Variants in FAT3 observed in about 807,000 individuals in gnomAD.
The protein encoded by FAT3 is FAT atypical cadherin 3, also known as protocadherin Fat 3.
Under a neutral mutation model 310.2 loss-of-function variants are expected in FAT3, and 95 were observed. The ratio of observed to expected loss-of-function variants is 0.31; its 90% confidence interval spans 0.26 to 0.36. The LOEUF (loss-of-function observed/expected upper bound fraction) is 0.36, where lower values mean the gene tolerates loss of function less well. FAT3 is among the 10% of genes least tolerant of loss of function. FAT3 has a pLI of 1.00. For synonymous variants in FAT3, 2,314 were observed against 2,192.9 expected (o/e 1.06, Z -1.54); for missense variants, 5,408 against 5,715.6 (o/e 0.95, Z 1.74).
intron 2 of FAT3, chr11:92,367,094 C>A: frequency 2.2e-6 from 1 of 453,868 alleles, no homozygotes; most frequent in South Asian, 1.7e-5. Context: ...AAGCAGGTGT[C>A]AAATTCAGAG....
At chr11:92,474,085 TC>T (rs2135162025) in intron 2 of FAT3, among the ~76,000 whole-genome samples, 1 of 152,294 alleles carries the variant, frequency 6.6e-6, no homozygotes, top group African/African-American at 2.4e-5. Flanking sequence ...AGCCTGATCT[TC>T]CTTTGAGAGG....
At chr11:92,334,759 A>G (rs547630996) in intron 1 of FAT3, among the ~76,000 whole-genome samples, 13 of 152,296 alleles carry the variant, frequency 8.5e-5, no homozygotes, top group African/African-American at 2.4e-4. Context: ...AGCTGCCTCA[A>G]TTATGGAAGA....
chr11:92,623,628 A>C (rs1941191142), intron 3 of FAT3, among the ~76,000 whole-genome samples: 1 of 152,210 alleles, frequency 6.6e-6, no homozygotes, highest in African/African-American at 2.4e-5. Context: ...GTGTAACAGA[A>C]TTTGTATTGC....
intron 5 of FAT3, among the ~76,000 whole-genome samples, chr11:92,764,002 A>T (rs1322031546): frequency 6.6e-6 from 1 of 152,174 alleles, no homozygotes; most frequent in African/African-American, 2.4e-5. Flanking sequence ...GTTATTTTTT[A>T]AATGTAATAC....
At position 92,524,666 on chromosome 11, in the gene FAT3, G is replaced by A; in HGVS notation, c.3325G>A (p.Glu1109Lys). 1 of 1,613,526 alleles carries A rather than the reference G, an allele frequency of 6.2e-7. No individual in the cohort carries two copies. Among genetic ancestry groups the A allele is most frequent in the Non-Finnish European group, 8.5e-7 (1 of 1,179,612 alleles). ...VITAADILDR[E>K]TMGSYWLTVY... ...CACTGCCGCAGACATTCTTGATCGGGAGACAATGGGGTCATACTGGCTAAC... is the reference window on the plus strand; with the variant it reads ...CACTGCCGCAGACATTCTTGATCGGAAGACAATGGGGTCATACTGGCTAAC... Residue 1109 changes from glutamate (E) to lysine (K), a missense_variant, in exon 3 of 28, where the codon GAG becomes AAG. Physicochemically the swap from Glu to Lys is moderately conservative, Grantham distance 56 (BLOSUM62 1). Around this residue, in one of 5 missense-constraint regions of FAT3, gnomAD observed 4,588 missense variants for 4,809.8 expected, o/e 0.95. Coordinates refer to ENST00000525166, the MANE Select transcript of FAT3 (RefSeq NM_001367949.2).
chr11:92,850,169 C>T (rs974397198), intron 19 of FAT3, among the ~76,000 whole-genome samples: 1 of 152,172 alleles, frequency 6.6e-6, no homozygotes, highest in Admixed American at 6.5e-5. Flanking sequence ...ATCCCAGTGG[C>T]TTTGAGTAAC....
chr11:92,640,087 T>G (rs1179893463), intron 3 of FAT3, among the ~76,000 whole-genome samples: 1 of 152,138 alleles, frequency 6.6e-6, no homozygotes, highest in African/African-American at 2.4e-5. Flanking sequence ...GTATTCTGAT[T>G]TTTTTTGCCC....
intron 4 of FAT3, among the ~76,000 whole-genome samples, chr11:92,704,106 C>T (rs1009854457): frequency 1.3e-5 from 2 of 152,174 alleles, no homozygotes; most frequent in Non-Finnish European, 2.9e-5. Flanking sequence ...CATCTTTTCT[C>T]GCTCTCATTT....
At chr11:92,745,779 C>T (rs1945648218) in intron 4 of FAT3, among the ~76,000 whole-genome samples, 1 of 152,246 alleles carries the variant, frequency 6.6e-6, no homozygotes, top group Admixed American at 6.5e-5. Flanking sequence ...CCTTCATTGT[C>T]CTGAAATGCA....
intron 4 of FAT3, among the ~76,000 whole-genome samples, chr11:92,729,017 C>G (rs148937377): frequency 7.7e-4 from 117 of 152,310 alleles, no homozygotes; most frequent in South Asian, 4.6e-3. Flanking sequence ...TTTCATCATT[C>G]AACTCACTAC....
At chr11:92,318,164 A>G (rs1280282278) in intron 1 of FAT3, among the ~76,000 whole-genome samples, 1 of 152,200 alleles carries the variant, frequency 6.6e-6, no homozygotes, top group Non-Finnish European at 1.5e-5. Flanking sequence ...ACTGAGATAT[A>G]GACAGGTGAT....
At chr11:92,423,307 A>G (rs1329866922) in intron 2 of FAT3, among the ~76,000 whole-genome samples, 1 of 152,168 alleles carries the variant, frequency 6.6e-6, no homozygotes, top group South Asian at 2.1e-4. Flanking sequence ...AATGACACAT[A>G]ATAAAATATA....
intron 1 of FAT3, among the ~76,000 whole-genome samples, chr11:92,235,909 A>C (rs2134240049): frequency 6.6e-6 from 1 of 152,306 alleles, no homozygotes; most frequent in Non-Finnish European, 1.5e-5. Context: ...ATGTATGATA[A>C]GGGTGTTATG....
At chr11:92,467,208 G>T (rs982007483) in intron 2 of FAT3, among the ~76,000 whole-genome samples, 4 of 152,204 alleles carry the variant, frequency 2.6e-5, no homozygotes, top group African/African-American at 9.6e-5. Flanking sequence ...CAGTGTAAAA[G>T]TGTTCCTATT....
chr11:92,428,844 ATGTATTTTC>A (rs1270873732), intron 2 of FAT3, among the ~76,000 whole-genome samples: 8 of 152,174 alleles, frequency 5.3e-5, no homozygotes, highest in Non-Finnish European at 1.2e-4. Flanking sequence ...GCTGAGATGA[ATGTATTTTC>A]TGTTGATTCG....
intron 3 of FAT3, among the ~76,000 whole-genome samples, chr11:92,537,059 G>C (rs1954281784): frequency 6.6e-6 from 1 of 152,122 alleles, no homozygotes; most frequent in Non-Finnish European, 1.5e-5. Flanking sequence ...TGTGTGTACT[G>C]CTACAGCATT....
Position 92,610,292 on chromosome 11 carries a change from T to C in FAT3, c.3607+85344T>C, listed in dbSNP as rs188362383. On this transcript the variant is annotated intron_variant, in intron 3 of 27. Transcript: ENST00000525166. ...TATGCAAATTTTTCTTAAGGACATT[T>C]ATTTCTTTTTAAATTTTTTAGACAC... Among the ~76,000 whole-genome samples the C allele has an allele frequency of 2.8e-3, 430 of 152,318 alleles. 2 individuals carry two copies. The highest frequency in any genetic ancestry group is 9.9e-3 in the African/African-American group (411 of 41,582).
intron 1 of FAT3, among the ~76,000 whole-genome samples, chr11:92,232,295 T>C (rs971623217): frequency 6.6e-6 from 1 of 152,182 alleles, no homozygotes; most frequent in Non-Finnish European, 1.5e-5. Context: ...AATAACAGTT[T>C]CAATCAAATG....
At chr11:92,730,939 A>G (rs1945158238) in intron 4 of FAT3, among the ~76,000 whole-genome samples, 1 of 152,190 alleles carries the variant, frequency 6.6e-6, no homozygotes, top group Non-Finnish European at 1.5e-5. Flanking sequence ...TGAGCAGAGC[A>G]GGTTCTTTCC....
Sources: allele counts gnomAD v4.1 joint callset (sites outside exome capture counted in the v4.1 genomes callset), GRCh38; gene constraint gnomAD v4.1.1; regional missense constraint gnomAD v4.1.1; transcripts MANE v1.5; gene names NCBI Gene and HGNC (gene_info 2026-07-23, HGNC 2026-07-21).